ARFGAP1: variants seen among roughly 807,000 people sequenced by gnomAD.
ARFGAP1 encodes ADP-ribosylation factor GTPase-activating protein 1.
A neutral mutation model predicts 54.0 loss-of-function variants in ARFGAP1; 26 were observed. That is an observed-to-expected ratio of 0.48 (90% CI 0.35 to 0.67). ARFGAP1 has a LOEUF of 0.67. ARFGAP1 is among the 30% of genes least tolerant of loss of function. ARFGAP1 has a pLI of 0.00. For missense variants in ARFGAP1, 525 were observed against 535.8 expected (o/e 0.98, Z 0.20); for synonymous variants, 248 against 211.9 (o/e 1.17, Z -1.48).
rs766426417 is a variant in ARFGAP1, at chr20:63,284,939, G to A, written c.774+17G>A. 3.8e-5 allele frequency: 62 copies of A among 1,612,856 alleles called. No individual in the cohort carries two copies. In the Middle Eastern group the frequency reaches 6.6e-4, roughly 17 times the overall value. On this transcript the variant is annotated intron_variant, in intron 10 of 12. Coordinates refer to ENST00000370283, the MANE Select transcript of ARFGAP1 (RefSeq NM_018209.4). Reference sequence around the variant, plus strand: ...CAGGAGAAGGTAACGGGCAGCTCCGGGTGGTTGTGCCTGGAGCCCTTCACT... The same window carrying A: ...CAGGAGAAGGTAACGGGCAGCTCCGAGTGGTTGTGCCTGGAGCCCTTCACT...
At position 63,276,361 on chromosome 20, in the gene ARFGAP1, G is replaced by C; in HGVS notation, c.171-119G>C. ...CCATGGCACAGAGTTCCAGCTGCTG[G>C]CCACTCAGCCTCCCTGCGGCTGCTG... On this transcript the variant is annotated intron_variant, in intron 3 of 12. Transcript: ENST00000370283. The surrounding 1 kb of genome is among the most constrained non-coding windows in gnomAD (Gnocchi z 5.2). 3.5e-6 allele frequency: 5 copies of C among 1,412,092 alleles called. No individual in the cohort carries two copies. The highest frequency in any genetic ancestry group is 4.9e-6 in the Non-Finnish European group (5 of 1,025,040). The allele number at this position is 1,412,092 out of a possible 1,614,324, so 87.5% of individuals were successfully genotyped here. A position where few individuals can be genotyped will look rare whatever the true frequency, so the allele number is the denominator to read the frequency against.
chr20:63,286,224 T>C (rs1383391662), intron 11 of ARFGAP1, 142 bp from the exon 12 acceptor site: 3 of 1,547,740 alleles, frequency 1.9e-6, no homozygotes, highest in Non-Finnish European at 8.7e-7. Flanking sequence ...TGTCTGTACG[T>C]GTGTGCGAGG....
intron 12 of ARFGAP1, chr20:63,286,822 C>G: frequency 4.2e-6 from 1 of 237,674 alleles, no homozygotes. Flanking sequence ...CTCTGCTGTT[C>G]CTCTGTCTCC....
At chr20:63,277,121 G>T (rs952653195) in intron 4 of ARFGAP1, 84 bp from the exon 5 acceptor site, 1 of 1,235,696 alleles carries the variant, frequency 8.1e-7, no homozygotes, top group South Asian at 1.3e-5. Flanking sequence ...CAGGCGGGCC[G>T]TGGGGGGTGC....
At chr20:63,284,608 G>A (rs771998807) in intron 9 of ARFGAP1, 439 of 1,339,466 alleles carry the variant, frequency 3.3e-4, no homozygotes, top group Non-Finnish European at 3.9e-4. Flanking sequence ...GCATGGTGGC[G>A]CGTGAGGGAG....
At chr20:63,286,566 C>A in intron 12 of ARFGAP1, 124 bp downstream of exon 12, 1 of 946,090 alleles carries the variant, frequency 1.1e-6, no homozygotes, top group Non-Finnish European at 1.6e-6. Flanking sequence ...GGAGGCTCTC[C>A]GGGAGGTGGC....
intron 1 of ARFGAP1, among the ~76,000 whole-genome samples, chr20:63,274,957 C>G (rs1449926917): frequency 1.3e-5 from 2 of 152,214 alleles, no homozygotes; most frequent in African/African-American, 4.8e-5. Flanking sequence ...AAGCCACTCT[C>G]CTTGTCCTGC....
intron 11 of ARFGAP1, chr20:63,286,002 A>G (rs766736519): frequency 5.6e-5 from 86 of 1,535,366 alleles, no homozygotes; most frequent in Non-Finnish European, 7.2e-5. Context: ...CTTTGCTGCC[A>G]TCAGTCCCAC....
chr20:63,285,669 A>G lies in ARFGAP1; in HGVS notation c.790A>G (p.Ile264Val). The G allele has an allele frequency of 6.2e-7, 1 of 1,613,670 alleles. No individual in the cohort carries two copies. Among genetic ancestry groups the G allele is most frequent in the Non-Finnish European group, 8.5e-7 (1 of 1,180,002 alleles). ...ATCCGTGCAGGTGAAGGAGGGAAAG[A>G]TTTTTGATGATGTCTCCAGTGGGGT... The part of the protein sequence containing the change: ...PAQEKVKEGK[I>V]FDDVSSGVSQ... The change falls in exon 11 of 13, where the codon ATT (isoleucine) becomes GTT (valine). Residue 264 changes from isoleucine (I) to valine (V), a missense_variant. By Grantham distance (29) the Ile-to-Val change is conservative. Transcript: ENST00000370283.
chr20:63,287,708 G>A lies in ARFGAP1; in HGVS notation c.1056G>A (p.Ala352=), dbSNP rs778637268. 8 of 1,611,432 alleles carry A rather than the reference G, an allele frequency of 5.0e-6. No homozygotes were observed. The highest frequency in any genetic ancestry group is 3.3e-5 in the South Asian group (3 of 90,804). ...KSPSSDSWTC[A]DTSTERRSSD... ...CGAGCAGCGACAGCTGGACGTGCGC[G>A]GACACCTCCACCGAGAGGAGGAGCT... Residue 352 remains alanine, a synonymous_variant, in exon 13 of 13, where the codon GCG becomes GCA. Transcript: ENST00000370283.
In ARFGAP1 at chr20:63,287,955, T is replaced by G. The variant is rs1382415618; in HGVS notation, c.*82T>G. 4 of 1,404,862 alleles carry G rather than the reference T, an allele frequency of 2.8e-6. No homozygotes were observed. Among genetic ancestry groups the G allele is most frequent in the Non-Finnish European group, 3.8e-6 (4 of 1,065,562 alleles). The allele number at this position is 1,404,862 out of a possible 1,614,324, so 87.0% of individuals were successfully genotyped here. On this transcript the variant is annotated 3_prime_UTR_variant, in exon 13 of 13. Coordinates refer to ENST00000370283, the MANE Select transcript of ARFGAP1 (RefSeq NM_018209.4). ...CCTCGTCGTTCCTCCTCCTTCCATT[T>G]GACCCAAGAATCAGCAACTGCAGTG...
intron 7 of ARFGAP1, among the ~76,000 whole-genome samples, chr20:63,279,922 T>C (rs2067334390): frequency 6.6e-6 from 1 of 152,212 alleles, no homozygotes; most frequent in Admixed American, 6.5e-5. Context: ...GCGGATCACC[T>C]GAGGTCAGGA....
intron 9 of ARFGAP1, 25 bp downstream of exon 9, chr20:63,282,876 C>T (rs1296453833): frequency 2.5e-6 from 4 of 1,613,578 alleles, no homozygotes; most frequent in Non-Finnish European, 3.4e-6. Flanking sequence ...GCTTCTGCAC[C>T]CTGGTGCATC....
chr20:63,283,798 T>C, intron 9 of ARFGAP1: 2 of 1,607,700 alleles, frequency 1.2e-6, no homozygotes, highest in Non-Finnish European at 1.7e-6. Flanking sequence ...TGGTTACTAA[T>C]GCCGCCCCTC....
intron 11 of ARFGAP1, 114 bp downstream of exon 11, chr20:63,285,827 C>T: frequency 6.7e-7 from 1 of 1,500,780 alleles, no homozygotes; most frequent in Non-Finnish European, 9.2e-7. Context: ...TTGGCAGTGG[C>T]CGCTGTCCTC....
In ARFGAP1 at chr20:63,287,549, C is replaced by CT. The variant is rs1349522763; in HGVS notation, c.912-14dup. The CT allele has an allele frequency of 6.4e-7, 1 of 1,566,606 alleles. No individual in the cohort carries two copies. The highest frequency in any genetic ancestry group is 8.7e-7 in the Non-Finnish European group (1 of 1,152,438). ...GTAACAGTCATTTAGAGTCCCCCTTCTGTCTCTTTAAAAGCCCCTCGGAGG... is the reference window on the plus strand; with the variant it reads ...GTAACAGTCATTTAGAGTCCCCCTTCTTGTCTCTTTAAAAGCCCCTCGGAGG... On this transcript the variant is annotated splice_polypyrimidine_tract_variant and intron_variant, in intron 12 of 12. Coordinates refer to ENST00000370283, the MANE Select transcript of ARFGAP1 (RefSeq NM_018209.4).
At chr20:63,283,275 G>T (rs938891205) in intron 9 of ARFGAP1, 5 of 233,324 alleles carry the variant, frequency 2.1e-5, no homozygotes, top group Admixed American at 1.6e-4. Context: ...TCTGGCCAGG[G>T]CTTCCCCCAG....
chr20:63,278,845 G>C, intron 6 of ARFGAP1, 54 bp from the exon 7 acceptor site: 7 of 1,587,496 alleles, frequency 4.4e-6, no homozygotes, highest in Non-Finnish European at 5.2e-6. Context: ...CACGCCCTCG[G>C]GAGGAGCAGG....
chr20:63,282,725 A>G, intron 8 of ARFGAP1, 94 bp from the exon 9 acceptor site: 1 of 1,365,486 alleles, frequency 7.3e-7, no homozygotes, highest in Non-Finnish European at 1.0e-6. Context: ...GGCCATTGAG[A>G]GACAGTCCTG....
Sources: gnomAD v4.1 joint callset for allele counts (sites outside exome capture counted in the v4.1 genomes callset) on GRCh38, gnomAD v4.1.1 for gene constraint, Gnocchi (gnomAD v3.1) non-coding constraint, MANE v1.5 for transcripts, NCBI Gene and HGNC (gene_info 2026-07-23, HGNC 2026-07-21) for gene names.